The following ACACA variants were observed in gnomAD, a reference collection of about 807,000 sequenced individuals.
ACACA encodes acetyl-CoA carboxylase alpha.
ACACA carries 103 observed loss-of-function variants against 296.1 expected under a neutral mutation model. That is an observed-to-expected ratio of 0.35 (90% confidence interval 0.30 to 0.41). ACACA has a LOEUF of 0.41. Ranked by LOEUF, ACACA falls within the 10% of genes least tolerant of loss-of-function variation. The probability of loss-of-function intolerance (pLI) is 1.00; values close to 1 mark genes in which losing one functional copy is unlikely to be tolerated. For missense variants in ACACA, 1,554 were observed against 2,989.7 expected (o/e 0.52, Z 11.20); for synonymous variants, 953 against 1,038.6 (o/e 0.92, Z 1.58).
chr17:37,398,487 TATTG>T, intron 1 of ACACA, among the ~76,000 whole-genome samples: 2 of 141,534 alleles, frequency 1.4e-5, no homozygotes. Flanking sequence ...GGTTTCTCCA[TATTG>T]GTCAGGCTGT....
chr17:37,088,958 G>A lies in ACACA; in HGVS notation c.7008C>T (p.Tyr2336=), dbSNP rs771576562. 91 of 1,614,058 alleles carry A rather than the reference G, an allele frequency of 5.6e-5. 2 individuals are homozygous for A. The highest frequency in any genetic ancestry group is 4.8e-4 in the South Asian group (44 of 91,084). ...CTCACCTGCGGATTTGCTTGAGGAC[G>A]TAGTCTCTGCTGATGCATTTGATGT... ...EENIKCISRD[Y]VLKQIRSLVQ... The change falls in exon 55 of 56, where the codon TAC becomes TAT. Residue 2336 remains tyrosine (Y), a synonymous_variant. Transcript: ENST00000616317.
At chr17:37,154,609 G>A (rs1245392999) in intron 43 of ACACA, among the ~76,000 whole-genome samples, 1 of 151,918 alleles carries the variant, frequency 6.6e-6, no homozygotes, top group Non-Finnish European at 1.5e-5. Flanking sequence ...CGATTGTCCT[G>A]CCTCAGCCTC....
chr17:37,397,957 G>A (rs532144574), intron 1 of ACACA, among the ~76,000 whole-genome samples: 114 of 152,154 alleles, frequency 7.5e-4, no homozygotes, highest in Non-Finnish European at 1.4e-3. Context: ...GGGGCTGGGC[G>A]CGGTGACTCA....
intron 52 of ACACA, among the ~76,000 whole-genome samples, chr17:37,101,759 C>T (rs1217422895): frequency 6.6e-6 from 1 of 152,182 alleles, no homozygotes; most frequent in East Asian, 1.9e-4. Context: ...CATTCAGATG[C>T]AATTTCCTAG....
Position 37,086,969 on chromosome 17 carries a change from C to T in ACACA, c.*347G>A, listed in dbSNP as rs2072244974. ...CCTCACGCTTCCCCATGCTGGGAGG[C>T]CAAGGGGCTGTCAGGACAGGAGGGG... On this transcript the variant is annotated 3_prime_UTR_variant, in exon 56 of 56. Coordinates refer to ENST00000616317, the MANE Select transcript of ACACA (RefSeq NM_198834.3). The T allele has an allele frequency of 2.7e-6, 1 of 370,924 alleles. No individual in the cohort carries two copies. Among genetic ancestry groups the T allele is most frequent in the Non-Finnish European group, 5.2e-6 (1 of 193,524 alleles). The allele number at this position is 370,924 out of a possible 1,614,324, so 23.0% of individuals were successfully genotyped here.
chr17:37,262,302 A>G (rs924241581), intron 11 of ACACA, among the ~76,000 whole-genome samples: 9 of 152,176 alleles, frequency 5.9e-5, no homozygotes, highest in African/African-American at 2.2e-4. Flanking sequence ...GTCCAGTGGA[A>G]TGTGAGCAGA....
At chr17:37,127,972 C>T (rs1480055432) in intron 47 of ACACA, among the ~76,000 whole-genome samples, 11 of 127,288 alleles carry the variant, frequency 8.6e-5, no homozygotes, top group African/African-American at 2.4e-4. Context: ...TGCAGTGAGC[C>T]GAGATCATGC....
At chr17:37,327,444 C>T (rs928866483) in intron 3 of ACACA, among the ~76,000 whole-genome samples, 2 of 152,206 alleles carry the variant, frequency 1.3e-5, no homozygotes, top group Non-Finnish European at 2.9e-5. Flanking sequence ...CCTTTCCATG[C>T]TGCTGATCAC....
Position 37,391,779 on chromosome 17 carries a change from A to G in ACACA, c.38+14483T>C, listed in dbSNP as rs772306089. The G allele has an allele frequency of 2.7e-6, 4 of 1,463,632 alleles. No individual in the cohort carries two copies. In the African/African-American group the frequency reaches 4.2e-5, roughly 15 times the overall value. 90.7% of individuals were successfully genotyped at this position (1,463,632 alleles called of 1,614,324 possible). A position where few individuals can be genotyped will look rare whatever the true frequency, so the allele number is the denominator to read the frequency against. The stretch of plus-strand genomic sequence containing the variant: ...GATACTACACAGTCCTCTCCCTATT[A>G]ATATGGGCACATTCTTGCCAATTTC... On this transcript the variant is annotated intron_variant, in intron 1 of 55. Coordinates refer to ENST00000616317, the MANE Select transcript of ACACA (RefSeq NM_198834.3).
At chr17:37,127,511 T>C (rs2074846745) in intron 47 of ACACA, among the ~76,000 whole-genome samples, 1 of 152,122 alleles carries the variant, frequency 6.6e-6, no homozygotes, top group Non-Finnish European at 1.5e-5. Context: ...CTAAGTCTTG[T>C]TCCAAATTCT....
intron 1 of ACACA, among the ~76,000 whole-genome samples, chr17:37,351,163 AAT>A (rs2048883830): frequency 6.6e-6 from 1 of 150,962 alleles, no homozygotes; most frequent in African/African-American, 2.4e-5. Flanking sequence ...TAAAATATAA[AAT>A]AAAATGTTGA....
chr17:37,270,749 A>G lies in ACACA; in HGVS notation c.1119+2T>C, dbSNP rs773074141. The G allele has an allele frequency of 1.2e-6, 2 of 1,605,738 alleles. No homozygotes were observed. Among genetic ancestry groups the G allele is most frequent in the Admixed American group, 1.7e-5 (1 of 60,018 alleles). On this transcript the variant is annotated splice_donor_variant, in intron 10 of 55. Coordinates refer to ENST00000616317, the MANE Select transcript of ACACA (RefSeq NM_198834.3). LOFTEE classifies it high-confidence loss of function. ...AACAAACAAAAACAGCTTATACTCT[A>G]CCTGTCTGAAGAGATTAGGGAAGTC...
At chr17:37,164,250 G>A (rs1567747695) in intron 41 of ACACA, among the ~76,000 whole-genome samples, 1 of 152,066 alleles carries the variant, frequency 6.6e-6, no homozygotes, top group Non-Finnish European at 1.5e-5. Context: ...ATTAACAGAT[G>A]TAAATAGCGG....
At chr17:37,401,722 C>G (rs368546002) in intron 1 of ACACA, among the ~76,000 whole-genome samples, 97 of 152,182 alleles carry the variant, frequency 6.4e-4, no homozygotes, top group African/African-American at 2.2e-3. Context: ...TCATGCCCAG[C>G]TAATTTTTTG....
chr17:37,263,975 C>G (rs2081631457), intron 10 of ACACA, 81 bp from the exon 11 acceptor site: 1 of 1,169,718 alleles, frequency 8.5e-7, no homozygotes. Context: ...ACTTTGATTT[C>G]AACAAGCAGA....
At chr17:37,291,092 A>G (rs953856272) in intron 3 of ACACA, among the ~76,000 whole-genome samples, 21 of 150,718 alleles carry the variant, frequency 1.4e-4, no homozygotes, top group Non-Finnish European at 2.2e-4. Flanking sequence ...AAAAAAAAAA[A>G]AAAAAGAAAA....
intron 3 of ACACA, among the ~76,000 whole-genome samples, chr17:37,309,291 G>A (rs780887442): frequency 1.2e-4 from 19 of 152,186 alleles, no homozygotes; most frequent in African/African-American, 4.6e-4. Context: ...CTCCCAAAGC[G>A]CTGGGATTAC....
intron 3 of ACACA, among the ~76,000 whole-genome samples, chr17:37,286,665 C>A (rs2082788225): frequency 6.6e-6 from 1 of 152,172 alleles, no homozygotes; most frequent in African/African-American, 2.4e-5. Context: ...CATAGAGGTA[C>A]CAGCAGCAGT....
intron 10 of ACACA, among the ~76,000 whole-genome samples, chr17:37,270,045 T>C (rs1306950127): frequency 6.6e-6 from 1 of 152,246 alleles, no homozygotes; most frequent in Non-Finnish European, 1.5e-5. Flanking sequence ...ATCACTTCTT[T>C]GGTCGTCTCC....
Sources: allele counts gnomAD v4.1 joint callset (sites outside exome capture counted in the v4.1 genomes callset), GRCh38; gene constraint gnomAD v4.1.1; transcripts MANE v1.5; gene names NCBI Gene and HGNC (gene_info 2026-07-23, HGNC 2026-07-21).